Variants in PCDHA6 observed in about 807,000 individuals in gnomAD.
The protein encoded by PCDHA6 is protocadherin alpha 6.
In PCDHA6, 55 loss-of-function variants were observed where a neutral mutation model predicts 60.3. The observed-to-expected ratio is 0.91, with a 90% CI of 0.73 to 1.14. PCDHA6 has a LOEUF of 1.14. PCDHA6 is among the 50% of genes most tolerant of loss of function. The pLI is 0.00. For missense variants in PCDHA6, 1,327 were observed against 1,256.5 expected (o/e 1.06, Z -0.85); for synonymous variants, 652 against 557.9 (o/e 1.17, Z -2.38).
At chr5:140,865,309 T>C (rs1554159355) in intron 1 of PCDHA6, 1 of 152,176 alleles carries the variant, frequency 6.6e-6, no homozygotes, top group Non-Finnish European at 1.5e-5. Flanking sequence ...TAATTACAAA[T>C]GAGATGGCCT....
At chr5:140,841,243 T>G in intron 1 of PCDHA6, 1 of 1,494,736 alleles carries the variant, frequency 6.7e-7, no homozygotes, top group Non-Finnish European at 9.0e-7. Flanking sequence ...GCAGCGGAAT[T>G]GGATTAAAAG....
Position 140,885,608 on chromosome 5 carries a change from A to T in PCDHA6, c.2394+55123A>T, listed in dbSNP as rs1163790004. Among the ~76,000 whole-genome samples the T allele has an allele frequency of 2.0e-5, 3 of 152,192 alleles. No homozygotes were observed. In the East Asian group the frequency reaches 5.8e-4, roughly 29 times the overall value. On this transcript the variant is annotated intron_variant, in intron 1 of 3. Coordinates refer to ENST00000529310, the MANE Select transcript of PCDHA6 (RefSeq NM_018909.4). ...TGCATCAAAGATATTAATAATTTTA[A>T]TTATAAAATATGTCACTGGATTGCC...
At chr5:140,876,556 G>A (rs369915148) in intron 1 of PCDHA6, 10 of 1,614,204 alleles carry the variant, frequency 6.2e-6, no homozygotes, top group Non-Finnish European at 8.5e-6. Flanking sequence ...TGTGCAAGAG[G>A]ATGCTCAGGT....
chr5:140,953,270 T>A (rs1362290837), intron 1 of PCDHA6, among the ~76,000 whole-genome samples: 6 of 152,152 alleles, frequency 3.9e-5, no homozygotes, highest in Non-Finnish European at 5.9e-5. Flanking sequence ...GCTTTAGCCT[T>A]TGCTCTTTAT....
chr5:140,939,798 C>A (rs2092461303), intron 1 of PCDHA6, among the ~76,000 whole-genome samples: 1 of 152,138 alleles, frequency 6.6e-6, no homozygotes, highest in African/African-American at 2.4e-5. Flanking sequence ...TATAAATGTT[C>A]TGCATGTTCA....
At chr5:140,863,396 G>A (rs782335492) in intron 1 of PCDHA6, 12 of 872,454 alleles carry the variant, frequency 1.4e-5, no homozygotes, top group South Asian at 8.9e-5. Context: ...TGCATGCCGG[G>A]CAAGCCCACG....
chr5:140,842,170 C>T (rs1360420045), intron 1 of PCDHA6: 2 of 1,613,662 alleles, frequency 1.2e-6, no homozygotes, highest in African/African-American at 2.7e-5. Context: ...CTTTTAATAG[C>T]CTTGTTGAAA....
At chr5:140,928,711 A>C in intron 1 of PCDHA6, 1 of 1,614,098 alleles carries the variant, frequency 6.2e-7, no homozygotes, top group South Asian at 1.1e-5. Flanking sequence ...GTCTGACTCT[A>C]GTCTCTTTAG....
chr5:140,882,583 C>A, intron 1 of PCDHA6: 1 of 1,614,232 alleles, frequency 6.2e-7, no homozygotes, highest in Non-Finnish European at 8.5e-7. Flanking sequence ...GCAGCATCCA[C>A]CTGGAGGTGA....
chr5:140,864,410 A>T (rs1310180872), intron 1 of PCDHA6: 3 of 152,244 alleles, frequency 2.0e-5, no homozygotes, highest in Admixed American at 6.5e-5. Flanking sequence ...AGCAGGGTTG[A>T]GGCAGCTTCG....
At chr5:140,834,579 G>A in intron 1 of PCDHA6, 1 of 1,614,068 alleles carries the variant, frequency 6.2e-7, no homozygotes, top group African/African-American at 1.3e-5. Flanking sequence ...CCTGTTCCGG[G>A]CGGTGTGCAA....
At position 140,928,212 on chromosome 5, in the gene PCDHA6, C is replaced by G. The variant is rs1388758279; in HGVS notation, c.2395-50737C>G. The G allele has an allele frequency of 2.5e-6, 4 of 1,614,106 alleles. No individual in the cohort carries two copies. The African/African-American group carries it at 5.3e-5, about 22-fold the overall frequency. On this transcript the variant is annotated intron_variant, in intron 1 of 3. Coordinates refer to ENST00000529310, the MANE Select transcript of PCDHA6 (RefSeq NM_018909.4). Reference sequence around the variant, plus strand: ...CTGTGTCAGTTGCTGATGTGAATGACAATACACCAAACTTTCCTCAACCCC... The same window carrying G: ...CTGTGTCAGTTGCTGATGTGAATGAGAATACACCAAACTTTCCTCAACCCC...
chr5:140,832,198 T>G (rs1771866666), intron 1 of PCDHA6, among the ~76,000 whole-genome samples: 1 of 152,250 alleles, frequency 6.6e-6, no homozygotes, highest in Non-Finnish European at 1.5e-5. Context: ...TTTAACCTGC[T>G]GAGTCCTCAG....
intron 1 of PCDHA6, among the ~76,000 whole-genome samples, chr5:140,957,264 A>G (rs1554222901): frequency 1.3e-5 from 2 of 152,198 alleles, no homozygotes; most frequent in African/African-American, 2.4e-5. Flanking sequence ...ATATGTAAGC[A>G]CTAGTCCCCC....
chr5:140,914,458 A>T (rs1294717004), intron 1 of PCDHA6, among the ~76,000 whole-genome samples: 2 of 152,004 alleles, frequency 1.3e-5, no homozygotes, highest in African/African-American at 4.8e-5. Flanking sequence ...TTTCCAGTCT[A>T]TGTGTATCTT....
At chr5:140,907,591 C>T (rs539639384) in intron 1 of PCDHA6, among the ~76,000 whole-genome samples, 10 of 152,294 alleles carry the variant, frequency 6.6e-5, no homozygotes, top group African/African-American at 2.4e-4. Flanking sequence ...GGCTGATCAC[C>T]CTGAGGAATG....
chr5:140,928,100 T>C (rs1458420006), intron 1 of PCDHA6: 1 of 1,614,090 alleles, frequency 6.2e-7, no homozygotes, highest in African/African-American at 1.3e-5. Context: ...GATGGGCCCC[T>C]GGACCGGGAG....
At chr5:140,962,414 C>T (rs2095681226) in intron 1 of PCDHA6, among the ~76,000 whole-genome samples, 1 of 152,166 alleles carries the variant, frequency 6.6e-6, no homozygotes, top group African/African-American at 2.4e-5. Context: ...CCTGTCTCTC[C>T]CTTTTTATTG....
At chr5:140,883,621 C>T (rs368758287) in intron 1 of PCDHA6, 80 of 1,613,850 alleles carry the variant, frequency 5.0e-5, no homozygotes, top group Non-Finnish European at 6.4e-5. Flanking sequence ...TGAACGACAA[C>T]GCGCCGGCGT....
Sources: allele counts gnomAD v4.1 joint callset (sites outside exome capture counted in the v4.1 genomes callset), GRCh38; gene constraint gnomAD v4.1.1; transcripts MANE v1.5; gene names NCBI Gene and HGNC (gene_info 2026-07-23, HGNC 2026-07-21).